The following PDE2A variants were observed in gnomAD, a reference collection of about 807,000 sequenced individuals.
PDE2A encodes phosphodiesterase 2A.
A neutral mutation model predicts 133.6 loss-of-function variants in PDE2A; 53 were observed. That is an observed-to-expected ratio of 0.40 (90% CI 0.32 to 0.50). The LOEUF (loss-of-function observed/expected upper bound fraction) is 0.50, where lower values mean the gene tolerates loss of function less well. PDE2A is among the 20% of genes least tolerant of loss of function. The probability of loss-of-function intolerance (pLI) is 0.73; values close to 1 mark genes in which losing one functional copy is unlikely to be tolerated. For missense variants in PDE2A, 796 were observed against 1,232.4 expected, an observed-to-expected ratio of 0.65 and a Z score of 5.30; for synonymous variants, 491 against 490.2, an observed-to-expected ratio of 1.00 and a Z score of -0.02.
rs148079689 is a variant in PDE2A, at chr11:72,588,888, C to T, written c.966G>A (p.Met322Ile). The change falls in exon 13 of 31, where the codon ATG (methionine) becomes ATA (isoleucine). Residue 322 changes from methionine to isoleucine, a missense_variant. Met to Ile is a conservative substitution (Grantham distance 10, BLOSUM62 1). This residue lies in a region of PDE2A where 417 missense variants were observed against 475.3 expected (regional missense o/e 0.88). Transcript: ENST00000334456. ...TSEDVQQLQS[M>I]LGCELQAMLC... ...GCATGGCCTGCAGCTCACAGCCCAA[C>T]ATGCTCTGCAGCTGTTGTACATCCT... 6.5e-4 allele frequency: 1,045 copies of T among 1,609,160 alleles called. 1 individual carries two copies. The highest frequency in any genetic ancestry group is 8.1e-4 in the Non-Finnish European group (949 of 1,176,432).
At chr11:72,579,117 T>A in intron 27 of PDE2A, 108 bp from the exon 28 acceptor site, 1 of 978,506 alleles carries the variant, frequency 1.0e-6, no homozygotes. Context: ...TGGGCACCCT[T>A]GATGGGAGCC....
At chr11:72,666,428 T>C (rs1338756967) in intron 1 of PDE2A, among the ~76,000 whole-genome samples, 2 of 152,092 alleles carry the variant, frequency 1.3e-5, no homozygotes, top group Non-Finnish European at 2.9e-5. Context: ...TTCCCAGCCA[T>C]GTCTAGCTGC....
chr11:72,634,397 G>A (rs956620412), intron 2 of PDE2A, among the ~76,000 whole-genome samples: 6 of 152,200 alleles, frequency 3.9e-5, no homozygotes, highest in Non-Finnish European at 7.4e-5. Context: ...TGCCCCTCAG[G>A]TGTCCCAGGG....
At chr11:72,580,314 C>T (rs1415583109) in intron 25 of PDE2A, among the ~76,000 whole-genome samples, 3 of 152,090 alleles carry the variant, frequency 2.0e-5, no homozygotes, top group Admixed American at 6.6e-5. Context: ...GGAGCCCATC[C>T]CAAGTTTGGC....
chr11:72,588,830 G>T lies in PDE2A; in HGVS notation c.1024C>A (p.Gln342Lys). ...AAGGCGCAGGCCAAGGCCACCACCT[G>T]GTCAGTGGCCCGGCTGATGACAGGG... ...CVPVISRATD[Q>K]VVALACAFNK... is the part of the protein sequence containing the mutation. Residue 342 changes from glutamine to lysine, a missense_variant, in exon 13 of 31, where the codon CAG becomes AAG. Transcript: ENST00000334456. 6.2e-7 allele frequency: 1 copy of T among 1,611,268 alleles called. No homozygotes were observed. The highest frequency in any genetic ancestry group is 8.5e-7 in the Non-Finnish European group (1 of 1,177,898).
chr11:72,597,008 C>T lies in PDE2A; in HGVS notation c.434-360G>A, dbSNP rs1856520354. 6.6e-6 allele frequency among the ~76,000 whole-genome samples: 1 copy of T among 152,144 alleles called. No homozygotes were observed. On this transcript the variant is annotated intron_variant, in intron 5 of 30. Transcript: ENST00000334456. The surrounding 1 kb of genome is among the most constrained non-coding windows in gnomAD (Gnocchi z 4.6). ...TCACACAGCAAGTCAGGTCTCCTGA[C>T]TCCCAGTCTTGTGCACTTTCCACAT... is the stretch of plus-strand genomic sequence containing the variant.
chr11:72,599,158 G>A (rs552640418), intron 4 of PDE2A: 147 of 344,896 alleles, frequency 4.3e-4, no homozygotes, highest in Non-Finnish European at 5.3e-4. Flanking sequence ...TCATCCTGCC[G>A]ACTCCCAACT....
chr11:72,659,652 G>A (rs1854994881), intron 1 of PDE2A, among the ~76,000 whole-genome samples: 1 of 152,166 alleles, frequency 6.6e-6, no homozygotes, highest in Non-Finnish European at 1.5e-5. Context: ...AATCTATAGA[G>A]TGGGGTTTAT....
At chr11:72,589,647 C>G (rs1856142885) in intron 11 of PDE2A, 104 bp downstream of exon 11, 2 of 966,974 alleles carry the variant, frequency 2.1e-6, no homozygotes, top group Non-Finnish European at 3.3e-6. Flanking sequence ...CCATCGGATT[C>G]CAAGAGTCTA....
chr11:72,663,945 G>A (rs1035226849), intron 1 of PDE2A, among the ~76,000 whole-genome samples: 6 of 152,160 alleles, frequency 3.9e-5, no homozygotes, highest in African/African-American at 7.2e-5. Flanking sequence ...CCCAGAGGCC[G>A]ACTTCTAAGT....
chr11:72,577,817 A>G (rs1855535181), intron 30 of PDE2A, among the ~76,000 whole-genome samples: 1 of 152,204 alleles, frequency 6.6e-6, no homozygotes, highest in South Asian at 2.1e-4. Flanking sequence ...TACTAAAAAT[A>G]CAAAATTAGC....
intron 1 of PDE2A, among the ~76,000 whole-genome samples, chr11:72,672,564 G>A (rs1273795624): frequency 1.3e-5 from 2 of 152,082 alleles, no homozygotes; most frequent in Non-Finnish European, 2.9e-5. Context: ...AGGGCTCTCT[G>A]GATAAAGCCT....
chr11:72,617,469 GCT>G (rs1857531610), intron 2 of PDE2A, among the ~76,000 whole-genome samples: 1 of 152,170 alleles, frequency 6.6e-6, no homozygotes, highest in Admixed American at 6.5e-5. Context: ...CTCCCTGGGC[GCT>G]CTCTCTGTGC....
At chr11:72,602,898 G>GGCCCAGCCA (rs1354768531) in intron 4 of PDE2A, among the ~76,000 whole-genome samples, 4 of 152,170 alleles carry the variant, frequency 2.6e-5, no homozygotes, top group Non-Finnish European at 4.4e-5. Flanking sequence ...CTGAGAGCAG[G>GGCCCAGCCA]GCCCAGCCAA....
chr11:72,668,408 C>T (rs1346371354), intron 1 of PDE2A: 2 of 718,418 alleles, frequency 2.8e-6, no homozygotes, highest in Admixed American at 2.0e-5. Context: ...GGAAACAGTG[C>T]TCAGGAAGCT....
Position 72,608,708 on chromosome 11 carries a change from A to T in PDE2A, c.188T>A (p.Leu63Gln). The change falls in exon 3 of 31, where the codon CTG becomes CAG. Residue 63 changes from leucine (L) to glutamine (Q), a missense_variant. Physicochemically the swap from Leu to Gln is moderately radical, Grantham distance 113 (BLOSUM62 -2). Around this residue, in one of 7 missense-constraint regions of PDE2A, gnomAD observed 417 missense variants for 475.3 expected, o/e 0.88. Coordinates refer to ENST00000334456, the MANE Select transcript of PDE2A (RefSeq NM_002599.5). ...CAGGGCCTCCTTGACAGCACGTTGC[A>T]GGCCTGAAATGTCGATGACAGAGCC... ...SLGSVIDISGLQRAVKEALSA... is the reference protein window; with the variant it reads ...SLGSVIDISGQQRAVKEALSA... 6.3e-7 allele frequency: 1 copy of T among 1,576,964 alleles called. No individual in the cohort carries two copies. Among genetic ancestry groups the T allele is most frequent in the South Asian group, 1.2e-5 (1 of 85,722 alleles).
At chr11:72,644,818 G>A (rs1197891590) in intron 1 of PDE2A, among the ~76,000 whole-genome samples, 14 of 152,122 alleles carry the variant, frequency 9.2e-5, no homozygotes, top group East Asian at 7.7e-4. Context: ...GCGCAGTGGC[G>A]CGATCTCAGC....
Position 72,578,678 on chromosome 11 carries a change from G to C in PDE2A, c.2470-164C>G, listed in dbSNP as rs150783810. ...TTGGCAGTGGGATGGCCTGAGGCAG[G>C]GAGTGGCTGGGTTGGGGCCCACCTT... On this transcript the variant is annotated intron_variant, in intron 28 of 30. Coordinates refer to ENST00000334456, the MANE Select transcript of PDE2A (RefSeq NM_002599.5). This position sits in a 1 kb window ranked among gnomAD's most constrained non-coding sequence, Gnocchi z 4.2. Among the ~76,000 whole-genome samples, 23 of 152,322 alleles carry C rather than the reference G, an allele frequency of 1.5e-4. No individual in the cohort carries two copies. In the East Asian group the frequency reaches 4.1e-3, roughly 27 times the overall value.
intron 2 of PDE2A, among the ~76,000 whole-genome samples, chr11:72,613,811 A>T (rs1468823680): frequency 6.6e-6 from 1 of 152,208 alleles, no homozygotes; most frequent in Non-Finnish European, 1.5e-5. Flanking sequence ...GGCAAGTGTC[A>T]TCTACGCCTC....
Sources: allele counts gnomAD v4.1 joint callset (sites outside exome capture counted in the v4.1 genomes callset), GRCh38; gene constraint gnomAD v4.1.1; regional missense constraint gnomAD v4.1.1; non-coding constraint Gnocchi (gnomAD v3.1); transcripts MANE v1.5; gene names NCBI Gene and HGNC (gene_info 2026-07-23, HGNC 2026-07-21).